Variants in ITFG1 observed in about 807,000 individuals in gnomAD.
The protein encoded by ITFG1 is T-cell immunomodulatory protein.
In ITFG1, 34 loss-of-function variants were observed where a neutral mutation model predicts 81.8. The observed-to-expected ratio is 0.42, with a 90% CI of 0.32 to 0.55. ITFG1 has a LOEUF of 0.55. Among genes scored for constraint, ITFG1 ranks in the 20% least tolerant of loss-of-function variants. ITFG1 has a pLI of 0.17. For missense variants in ITFG1, 672 were observed against 755.4 expected (o/e 0.89, Z 1.29); for synonymous variants, 285 against 270.6 (o/e 1.05, Z -0.52).
intron 13 of ITFG1, among the ~76,000 whole-genome samples, chr16:47,234,366 G>C (rs746981811): frequency 3.9e-5 from 6 of 152,106 alleles, no homozygotes; most frequent in Non-Finnish European, 5.9e-5. Flanking sequence ...TGCCTTGATG[G>C]ACTCATTGGT....
At chr16:47,164,617 T>C (rs1364135502) in intron 14 of ITFG1, among the ~76,000 whole-genome samples, 3 of 152,282 alleles carry the variant, frequency 2.0e-5, no homozygotes, top group African/African-American at 7.2e-5. Context: ...CCTCTTATAT[T>C]TTGATCAGGA....
At chr16:47,287,811 C>G (rs1482241585) in intron 10 of ITFG1, among the ~76,000 whole-genome samples, 2 of 152,254 alleles carry the variant, frequency 1.3e-5, no homozygotes, top group Non-Finnish European at 1.5e-5. Flanking sequence ...TTTTATGTGC[C>G]TTTTTATCCT....
intron 6 of ITFG1, among the ~76,000 whole-genome samples, chr16:47,388,806 AT>A (rs1434969273): frequency 2.6e-5 from 4 of 152,182 alleles, no homozygotes; most frequent in Non-Finnish European, 5.9e-5. Flanking sequence ...TTAAAAGAGA[AT>A]ATTAACAGCC....
At chr16:47,315,079 T>A (rs1480969346) in intron 8 of ITFG1, among the ~76,000 whole-genome samples, 1 of 152,154 alleles carries the variant, frequency 6.6e-6, no homozygotes, top group Non-Finnish European at 1.5e-5. Flanking sequence ...ATTTCATGAT[T>A]TGCTTACTTA....
chr16:47,352,993 G>C (rs996453241), intron 8 of ITFG1, among the ~76,000 whole-genome samples: 1 of 151,978 alleles, frequency 6.6e-6, no homozygotes, highest in Non-Finnish European at 1.5e-5. Context: ...CTCACTCATA[G>C]GTGGGAATTG....
At chr16:47,373,470 G>A (rs907443357) in intron 7 of ITFG1, among the ~76,000 whole-genome samples, 24 of 151,970 alleles carry the variant, frequency 1.6e-4, no homozygotes, top group Non-Finnish European at 7.4e-5. Context: ...TAGTAGAGAC[G>A]GGGTTTCACC....
At chr16:47,266,180 A>G (rs560619093) in intron 10 of ITFG1, among the ~76,000 whole-genome samples, 10 of 152,170 alleles carry the variant, frequency 6.6e-5, no homozygotes, top group African/African-American at 2.4e-4. Context: ...ATGAGACAAC[A>G]CTTCACATCC....
chr16:47,452,598 A>G, intron 4 of ITFG1, 135 bp downstream of exon 4: 1 of 623,112 alleles, frequency 1.6e-6, no homozygotes, highest in Non-Finnish European at 2.8e-6. Flanking sequence ...TGGCAAATAA[A>G]TACAATATAA....
At position 47,277,471 on chromosome 16, in the gene ITFG1, A is replaced by G. The variant is rs554099815; in HGVS notation, c.1071-16776T>C. Among the ~76,000 whole-genome samples the G allele has an allele frequency of 8.1e-4, 123 of 152,346 alleles. 1 individual carries two copies. The highest frequency in any genetic ancestry group is 2.8e-3 in the African/African-American group (116 of 41,600). On this transcript the variant is annotated intron_variant, in intron 10 of 17. Coordinates refer to ENST00000320640, the MANE Select transcript of ITFG1 (RefSeq NM_030790.5). ...TCCATCTGTGTTTGGTAGTGGATGC[A>G]GAATCCACAGGTAAGGAGAGCTGAC...
chr16:47,452,767 T>TGAG lies in ITFG1; in HGVS notation c.448_450dup (p.Leu150dup), dbSNP rs759927520. On this transcript the variant is annotated inframe_insertion, in exon 4 of 18. Transcript: ENST00000320640. ...AGTGGCTCATCTTGAAAAGTCCTAT[T>TGAG]GAGTATGGTCATATTGTTAGGATCT... is the stretch of plus-strand genomic sequence containing the variant. 1 of 1,582,452 alleles carries TGAG rather than the reference T, an allele frequency of 6.3e-7. No individual in the cohort carries two copies. Among genetic ancestry groups the TGAG allele is most frequent in the Admixed American group, 1.8e-5 (1 of 56,990 alleles).
At chr16:47,339,786 A>G (rs1967757100) in intron 8 of ITFG1, among the ~76,000 whole-genome samples, 1 of 152,154 alleles carries the variant, frequency 6.6e-6, no homozygotes, top group Non-Finnish European at 1.5e-5. Flanking sequence ...AAAAGAGAAC[A>G]AAGAGAACAC....
intron 8 of ITFG1, among the ~76,000 whole-genome samples, chr16:47,348,771 A>C (rs1327423427): frequency 6.6e-6 from 1 of 152,184 alleles, no homozygotes; most frequent in African/African-American, 2.4e-5. Flanking sequence ...GATTCACCAA[A>C]GTTGAAATGA....
chr16:47,251,356 C>A (rs900148200), intron 12 of ITFG1, among the ~76,000 whole-genome samples: 1 of 152,206 alleles, frequency 6.6e-6, no homozygotes, highest in Non-Finnish European at 1.5e-5. Flanking sequence ...CCCTGGTGGG[C>A]TCCCAGCTTG....
intron 14 of ITFG1, among the ~76,000 whole-genome samples, chr16:47,205,791 T>C (rs1234104594): frequency 6.6e-6 from 1 of 151,934 alleles, no homozygotes; most frequent in Non-Finnish European, 1.5e-5. Flanking sequence ...TTAATCAGAG[T>C]CATAGTTGTT....
At chr16:47,386,814 C>T (rs1968469029) in intron 6 of ITFG1, among the ~76,000 whole-genome samples, 1 of 152,176 alleles carries the variant, frequency 6.6e-6, no homozygotes, top group Non-Finnish European at 1.5e-5. Context: ...AAGCTGTCCC[C>T]TAATATTTAA....
chr16:47,188,327 G>A (rs1370802710), intron 14 of ITFG1, among the ~76,000 whole-genome samples: 3 of 152,000 alleles, frequency 2.0e-5, no homozygotes, highest in East Asian at 3.9e-4. Context: ...TGTTTATTGC[G>A]GCATTATTCA....
intron 6 of ITFG1, among the ~76,000 whole-genome samples, chr16:47,396,457 A>C (rs538181710): frequency 4.6e-5 from 7 of 151,928 alleles, no homozygotes; most frequent in Non-Finnish European, 7.4e-5. Context: ...GAGAAAGAAC[A>C]CAATGAGGAC....
chr16:47,253,566 CAGA>C (rs768630764), intron 12 of ITFG1, among the ~76,000 whole-genome samples: 3 of 152,144 alleles, frequency 2.0e-5, no homozygotes, highest in South Asian at 4.1e-4. Flanking sequence ...ATGGGTTTTG[CAGA>C]AGAAGGGCAA....
intron 14 of ITFG1, among the ~76,000 whole-genome samples, chr16:47,191,867 A>T (rs1965297764): frequency 6.6e-6 from 1 of 152,152 alleles, no homozygotes; most frequent in African/African-American, 2.4e-5. Flanking sequence ...GCTGAAGTGC[A>T]GTGATGCGAT....
Sources: allele counts gnomAD v4.1 joint callset (sites outside exome capture counted in the v4.1 genomes callset), GRCh38; gene constraint gnomAD v4.1.1; transcripts MANE v1.5; gene names NCBI Gene and HGNC (gene_info 2026-07-23, HGNC 2026-07-21).